Variants in TEC observed in about 807,000 individuals in gnomAD.
TEC encodes the protein tec protein tyrosine kinase.
In TEC, 72 loss-of-function variants were observed where a neutral mutation model predicts 93.0. The ratio of observed to expected loss-of-function variants is 0.77; its 90% CI spans 0.64 to 0.94. The LOEUF (loss-of-function observed/expected upper bound fraction) is 0.94, where lower values mean the gene tolerates loss of function less well. TEC is among the 40% of genes least tolerant of loss of function. TEC has a pLI of 0.00. For synonymous variants in TEC, 249 were observed against 247.7 expected, an observed-to-expected ratio of 1.01 and a Z score of -0.05; for missense variants, 630 against 757.9, an observed-to-expected ratio of 0.83 and a Z score of 1.98.
At chr4:48,170,809 G>A (rs1203257546) in intron 4 of TEC, among the ~76,000 whole-genome samples, 5 of 152,150 alleles carry the variant, frequency 3.3e-5, no homozygotes, top group Non-Finnish European at 7.4e-5. Flanking sequence ...CCAACACTTT[G>A]GGAGGCCGAG....
intron 1 of TEC, among the ~76,000 whole-genome samples, chr4:48,231,650 G>A (rs529528514): frequency 3.3e-5 from 5 of 152,150 alleles, no homozygotes; most frequent in South Asian, 4.2e-4. Context: ...CCAGCTACTC[G>A]GGAAGCTGAG....
intron 2 of TEC, among the ~76,000 whole-genome samples, chr4:48,198,304 A>G (rs977989112): frequency 5.3e-5 from 8 of 152,198 alleles, no homozygotes; most frequent in Non-Finnish European, 1.0e-4. Flanking sequence ...TGCCAGATAA[A>G]TAAGATAAAC....
rs143266262 is a variant in TEC at position 48,225,472 on chromosome 4, C to T, written c.138+3005G>A. On this transcript the variant is annotated intron_variant, in intron 2 of 17. Transcript: ENST00000381501. ...GATTACAGGCATGAGCCACCACGAC[C>T]GGCCCTCACATTCTTTTCCGAATCA... is the stretch of plus-strand genomic sequence containing the variant. Among the ~76,000 whole-genome samples the T allele has an allele frequency of 3.5e-3, 527 of 152,274 alleles. 3 individuals are homozygous for T. Among genetic ancestry groups the T allele is most frequent in the Non-Finnish European group, 5.6e-3 (383 of 68,022 alleles).
intron 2 of TEC, among the ~76,000 whole-genome samples, chr4:48,199,719 G>A (rs1315279809): frequency 4.0e-5 from 6 of 151,864 alleles, no homozygotes; most frequent in African/African-American, 1.2e-4. Context: ...CACCCGCCTC[G>A]GCCTCCCAAA....
intron 1 of TEC, among the ~76,000 whole-genome samples, chr4:48,259,655 G>A (rs1166693980): frequency 1.3e-5 from 2 of 150,936 alleles, no homozygotes; most frequent in Admixed American, 6.6e-5. Flanking sequence ...GGTGAAGATT[G>A]CAGTGAGTCG....
At chr4:48,201,960 T>A (rs1454245499) in intron 2 of TEC, among the ~76,000 whole-genome samples, 2 of 145,932 alleles carry the variant, frequency 1.4e-5, no homozygotes, top group South Asian at 2.2e-4. Flanking sequence ...TTATTTTTTT[T>A]TTTTTTTTTT....
chr4:48,266,752 C>T (rs1350967085), intron 1 of TEC, among the ~76,000 whole-genome samples: 2 of 151,552 alleles, frequency 1.3e-5, no homozygotes, highest in African/African-American at 4.9e-5. Flanking sequence ...GCAGGAGAAT[C>T]GCTTGAACCC....
At chr4:48,173,426 G>A (rs1721195804) in intron 3 of TEC, among the ~76,000 whole-genome samples, 2 of 152,190 alleles carry the variant, frequency 1.3e-5, no homozygotes, top group Non-Finnish European at 2.9e-5. Context: ...CCCTGTTTTG[G>A]CATCTCAGGC....
chr4:48,187,837 T>G (rs1280565626), intron 2 of TEC, among the ~76,000 whole-genome samples: 1 of 152,236 alleles, frequency 6.6e-6, no homozygotes, highest in African/African-American at 2.4e-5. Flanking sequence ...AAGTTTCATG[T>G]AATAGACTTC....
chr4:48,165,873 G>A (rs1329954451), intron 7 of TEC, among the ~76,000 whole-genome samples: 2 of 152,182 alleles, frequency 1.3e-5, no homozygotes, highest in Admixed American at 6.5e-5. Flanking sequence ...GGGGAAACTG[G>A]AATTACATAA....
intron 8 of TEC, 82 bp from the exon 9 acceptor site, chr4:48,156,816 G>T (rs921332184): frequency 9.3e-6 from 10 of 1,078,900 alleles, no homozygotes; most frequent in Admixed American, 2.6e-5. Flanking sequence ...AAGTAATTCT[G>T]CTCATCAATA....
intron 14 of TEC, among the ~76,000 whole-genome samples, chr4:48,144,160 A>G (rs900335930): frequency 1.3e-5 from 2 of 152,138 alleles, no homozygotes; most frequent in Non-Finnish European, 2.9e-5. Context: ...GGCTGCAGTG[A>G]GCCAAGATTG....
intron 1 of TEC, among the ~76,000 whole-genome samples, chr4:48,250,746 C>G (rs13117386): frequency 0.22 from 34,152 of 152,100 alleles, 4,718 homozygotes; most frequent in Middle Eastern, 0.33. Flanking sequence ...TATCAGAGAA[C>G]CCAGGCAATA....
At chr4:48,151,623 A>C (rs1467733978) in intron 9 of TEC, among the ~76,000 whole-genome samples, 1 of 152,172 alleles carries the variant, frequency 6.6e-6, no homozygotes, top group East Asian at 1.9e-4. Context: ...AGTAGCTGGA[A>C]TTACAGGTGT....
At chr4:48,227,432 C>G (rs1488742249) in intron 2 of TEC, among the ~76,000 whole-genome samples, 2 of 152,026 alleles carry the variant, frequency 1.3e-5, no homozygotes, top group Non-Finnish European at 2.9e-5. Context: ...CACTTGAGGT[C>G]AGGGGTTCAA....
intron 3 of TEC, 80 bp from the exon 4 acceptor site, chr4:48,171,529 C>T (rs1395819596): frequency 8.7e-6 from 9 of 1,038,000 alleles, no homozygotes; most frequent in Non-Finnish European, 1.3e-5. Context: ...CTTGGTACTA[C>T]AGACACCAAT....
chr4:48,147,084 T>C (rs972317224), intron 11 of TEC, among the ~76,000 whole-genome samples: 3 of 152,174 alleles, frequency 2.0e-5, no homozygotes, highest in Admixed American at 1.3e-4. Flanking sequence ...GCACTTGATA[T>C]ATGTTTGTTG....
At chr4:48,191,856 T>C (rs1722103442) in intron 2 of TEC, among the ~76,000 whole-genome samples, 1 of 152,170 alleles carries the variant, frequency 6.6e-6, no homozygotes, top group South Asian at 2.1e-4. Context: ...GCAGGAGGAT[T>C]GCTTGAACTC....
intron 2 of TEC, among the ~76,000 whole-genome samples, chr4:48,196,166 G>T (rs944699206): frequency 6.6e-6 from 1 of 152,170 alleles, no homozygotes; most frequent in African/African-American, 2.4e-5. Flanking sequence ...TTCCAGAGGA[G>T]ACTGGCATGC....
Sources: gnomAD v4.1 joint callset for allele counts (sites outside exome capture counted in the v4.1 genomes callset) on GRCh38, gnomAD v4.1.1 for gene constraint, MANE v1.5 for transcripts, NCBI Gene and HGNC (gene_info 2026-07-23, HGNC 2026-07-21) for gene names.